The following ARHGEF38 variants were observed in gnomAD, a reference collection of about 807,000 sequenced individuals.
The protein encoded by ARHGEF38 is Rho guanine nucleotide exchange factor (GEF) 38.
A neutral mutation model predicts 79.9 loss-of-function variants in ARHGEF38; 79 were observed. The observed-to-expected ratio is 0.99, with a 90% CI of 0.82 to 1.19. The LOEUF is 1.19. ARHGEF38 is among the 50% of genes most tolerant of loss of function. The probability of loss-of-function intolerance (pLI) is 0.00; values close to 1 mark genes in which losing one functional copy is unlikely to be tolerated. For missense variants in ARHGEF38, 962 were observed against 907.2 expected, an observed-to-expected ratio of 1.06 and a Z score of -0.78; for synonymous variants, 366 against 328.3, an observed-to-expected ratio of 1.11 and a Z score of -1.24.
rs757657485 is a variant in ARHGEF38 at position 105,589,318 on chromosome 4, G to C, written c.267G>C (p.Lys89Asn). 4 of 1,613,986 alleles carry C rather than the reference G, an allele frequency of 2.5e-6. No homozygotes were observed. In the African/African-American group the frequency reaches 5.3e-5, roughly 22 times the overall value. The change falls in exon 2 of 14, where the codon AAG becomes AAC. Residue 89 changes from lysine to asparagine, a missense_variant. Lys to Asn is a moderately conservative substitution (Grantham distance 94). Transcript: ENST00000420470. ...CCCCAGAGGAAGAGCATCATATGAA[G>C]AGGATGATGGCAAAGCGGGAAAAGA... ...TLTPEEEHHM[K>N]RMMAKREKII... is the part of the protein sequence containing the mutation.
chr4:105,589,243 A>G lies in ARHGEF38; in HGVS notation c.197-5A>G. 1.2e-6 allele frequency: 2 copies of G among 1,603,024 alleles called. No homozygotes were observed. The highest frequency in any genetic ancestry group is 1.7e-6 in the Non-Finnish European group (2 of 1,176,812). ...GCCTCACCTGTATATGTTTTCATTT[A>G]ACAGAAAAGATGACTCCACAGGGTG... On this transcript the variant is annotated splice_region_variant and splice_polypyrimidine_tract_variant and intron_variant, in intron 1 of 13. Transcript: ENST00000420470.
chr4:105,588,817 A>C lies in ARHGEF38; in HGVS notation c.197-431A>C, dbSNP rs114516760. 8.5e-3 allele frequency among the ~76,000 whole-genome samples: 1,289 copies of C among 152,258 alleles called. 22 individuals carry two copies. Among genetic ancestry groups the C allele is most frequent in the African/African-American group, 0.03 (1,240 of 41,542 alleles). On this transcript the variant is annotated intron_variant, in intron 1 of 13. Transcript: ENST00000420470. ...TTGGATATTACCCACTGAGAATGAGAGGTAATTGTTTTTAATAGCAGTGAC... is the reference window on the plus strand; with the variant it reads ...TTGGATATTACCCACTGAGAATGAGCGGTAATTGTTTTTAATAGCAGTGAC...
intron 1 of ARHGEF38, among the ~76,000 whole-genome samples, chr4:105,581,754 A>G (rs1027946902): frequency 1.3e-5 from 2 of 152,120 alleles, no homozygotes; most frequent in Non-Finnish European, 2.9e-5. Context: ...CCCTTTTTAT[A>G]TCTCTAATAA....
chr4:105,584,787 T>C (rs2110446833), intron 1 of ARHGEF38, among the ~76,000 whole-genome samples: 1 of 152,214 alleles, frequency 6.6e-6, no homozygotes, highest in South Asian at 2.1e-4. Context: ...ATGGCAGTAG[T>C]AGTAGCAAAA....
intron 1 of ARHGEF38, among the ~76,000 whole-genome samples, chr4:105,560,148 C>T (rs1368968589): frequency 6.6e-6 from 1 of 152,178 alleles, no homozygotes; most frequent in African/African-American, 2.4e-5. Context: ...GCTTAACTTG[C>T]TGTTTTTCAC....
At chr4:105,665,709 T>C (rs1730724925) in intron 10 of ARHGEF38, among the ~76,000 whole-genome samples, 3 of 152,180 alleles carry the variant, frequency 2.0e-5, no homozygotes, top group Admixed American at 2.0e-4. Flanking sequence ...TGGCTGTGAT[T>C]ACAGGCATGA....
intron 4 of ARHGEF38, chr4:105,632,911 C>A (rs1418387445): frequency 6.6e-6 from 1 of 152,594 alleles, no homozygotes; most frequent in Non-Finnish European, 1.5e-5. Flanking sequence ...AAGAAACAGA[C>A]CCTGCCAGAA....
chr4:105,664,990 T>TTTG lies in ARHGEF38; in HGVS notation c.1546-1180_1546-1178dup, dbSNP rs113232902. The stretch of plus-strand genomic sequence containing the variant: ...GGAAGCCAGAGAGCAAGAAAGCTGT[T>TTTG]TTGTTGTTGCTGTTGTTGTTGTTGA... On this transcript the variant is annotated intron_variant, in intron 10 of 13. Coordinates refer to ENST00000420470, the MANE Select transcript of ARHGEF38 (RefSeq NM_001242729.2). 4.1e-4 allele frequency among the ~76,000 whole-genome samples: 62 copies of TTTG among 152,196 alleles called. 1 individual carries two copies. The highest frequency in any genetic ancestry group is 1.4e-3 in the African/African-American group (58 of 41,558).
At chr4:105,649,745 C>T (rs569891469) in intron 7 of ARHGEF38, among the ~76,000 whole-genome samples, 1 of 152,202 alleles carries the variant, frequency 6.6e-6, no homozygotes, top group African/African-American at 2.4e-5. Context: ...TTGCAGCTTT[C>T]CAACCACTTA....
intron 3 of ARHGEF38, among the ~76,000 whole-genome samples, chr4:105,629,688 C>G (rs1729100679): frequency 6.6e-6 from 1 of 151,800 alleles, no homozygotes; most frequent in East Asian, 1.9e-4. Context: ...ATGCATAATA[C>G]TTATCTTTAA....
rs542433841 is a variant in ARHGEF38 at position 105,679,835 on chromosome 4, TGAG to T, written c.*1905_*1907del. On this transcript the variant is annotated 3_prime_UTR_variant, in exon 14 of 14. Transcript: ENST00000420470. ...GAGATGGATATAGGACTCAATATCC[TGAG>T]GAGGAGAACTTTGAATCACCAGGTC... 6.4e-5 allele frequency: 87 copies of T among 1,356,760 alleles called. No homozygotes were observed. In the African/African-American group the frequency reaches 8.9e-4, roughly 14 times the overall value. The allele number at this position is 1,356,760 out of a possible 1,614,324, so 84.0% of individuals were successfully genotyped here.
Position 105,667,126 on chromosome 4 carries a change from CA to C in ARHGEF38, c.1690-2del. ...AACCAAAACTTCTCCTTATTTCTCC[CA>C]GCCAGAAATGCCACATCAAACTGAC... On this transcript the variant is annotated splice_acceptor_variant, in intron 11 of 13. Transcript: ENST00000420470. LOFTEE classifies it high-confidence loss of function. The C allele has an allele frequency of 1.3e-6, 2 of 1,528,118 alleles. No individual in the cohort carries two copies. Among genetic ancestry groups the C allele is most frequent in the Non-Finnish European group, 1.8e-6 (2 of 1,141,322 alleles). The allele number at this position is 1,528,118 out of a possible 1,614,324, so 94.7% of individuals were successfully genotyped here.
chr4:105,555,920 T>C (rs75917678), intron 1 of ARHGEF38, among the ~76,000 whole-genome samples: 6,187 of 152,240 alleles, frequency 0.041, 174 homozygotes, highest in Middle Eastern at 0.068. Flanking sequence ...AATAACAATT[T>C]TAAAAATGGT....
At position 105,594,251 on chromosome 4, in the gene ARHGEF38, T is replaced by C. The variant is rs77263886; in HGVS notation, c.384+4816T>C. On this transcript the variant is annotated intron_variant, in intron 2 of 13. Coordinates refer to ENST00000420470, the MANE Select transcript of ARHGEF38 (RefSeq NM_001242729.2). ...TTTATATGAGTGCTGAGGTAGTTAG[T>C]TGACACCACCAGTTCATTCAGTTCA... 4.6e-3 allele frequency among the ~76,000 whole-genome samples: 704 copies of C among 152,312 alleles called. 6 individuals carry two copies. Among genetic ancestry groups the C allele is most frequent in the African/African-American group, 0.016 (663 of 41,568 alleles).
rs183769831 is a variant in ARHGEF38 at position 105,578,517 on chromosome 4, G to A, written c.197-10731G>A. Among the ~76,000 whole-genome samples the A allele has an allele frequency of 2.2e-4, 33 of 152,208 alleles. No individual in the cohort carries two copies. The East Asian group carries it at 6.0e-3, about 28-fold the overall frequency. ...GATGATCTGTGTAGTACTGTCAGTGGAGTATTGAATTTTCCCACTATTATT... is the reference window on the plus strand; with the variant it reads ...GATGATCTGTGTAGTACTGTCAGTGAAGTATTGAATTTTCCCACTATTATT... On this transcript the variant is annotated intron_variant, in intron 1 of 13. Transcript: ENST00000420470.
intron 1 of ARHGEF38, chr4:105,561,743 A>G (rs1043382922): frequency 6.6e-6 from 1 of 152,138 alleles, no homozygotes; most frequent in African/African-American, 2.4e-5. Flanking sequence ...AAAAGCATAC[A>G]CATTTTACTT....
intron 9 of ARHGEF38, among the ~76,000 whole-genome samples, chr4:105,656,094 G>T (rs534380907): frequency 4.6e-5 from 7 of 152,054 alleles, no homozygotes; most frequent in Non-Finnish European, 7.4e-5. Context: ...TGGCTCTGTT[G>T]CCCAGGCTGG....
chr4:105,630,764 C>T (rs1484525615), intron 3 of ARHGEF38, 134 bp from the exon 4 acceptor site: 2 of 614,222 alleles, frequency 3.3e-6, no homozygotes, highest in Non-Finnish European at 5.1e-6. Context: ...ATGTTTTCCA[C>T]CCTCCCTGAA....
chr4:105,610,973 C>T (rs1166286463), intron 2 of ARHGEF38, among the ~76,000 whole-genome samples: 2 of 151,996 alleles, frequency 1.3e-5, no homozygotes, highest in Non-Finnish European at 1.5e-5. Context: ...TTAATATTTC[C>T]TGGTAAAGAA....
Sources: allele counts gnomAD v4.1 joint callset (sites outside exome capture counted in the v4.1 genomes callset), GRCh38; gene constraint gnomAD v4.1.1; transcripts MANE v1.5; gene names NCBI Gene and HGNC (gene_info 2026-07-23, HGNC 2026-07-21).